PDE7B: variants seen among roughly 807,000 people sequenced by gnomAD.
The protein encoded by PDE7B is phosphodiesterase 7B, also known as 3',5'-cyclic-AMP phosphodiesterase 7B.
Under a neutral mutation model 56.2 loss-of-function variants are expected in PDE7B, and 29 were observed. The observed-to-expected ratio is 0.52, with a 90% CI of 0.38 to 0.70. The LOEUF (loss-of-function observed/expected upper bound fraction) is 0.70. Ranked by LOEUF, PDE7B falls within the 30% of genes least tolerant of loss-of-function variation. The pLI is 0.00. For synonymous variants in PDE7B, 197 were observed against 196.9 expected, an observed-to-expected ratio of 1.00 and a Z score of 0.00; for missense variants, 490 against 565.0, an observed-to-expected ratio of 0.87 and a Z score of 1.35.
chr6:136,051,732 C>G (rs980596549), intron 2 of PDE7B, among the ~76,000 whole-genome samples: 1 of 152,180 alleles, frequency 6.6e-6, no homozygotes, highest in African/African-American at 2.4e-5. Context: ...CATGTAATGT[C>G]TTTGATAATA....
At chr6:135,855,102 A>G (rs1166060727) in intron 1 of PDE7B, among the ~76,000 whole-genome samples, 1 of 152,206 alleles carries the variant, frequency 6.6e-6, no homozygotes, top group African/African-American at 2.4e-5. Context: ...CCACTCACTC[A>G]TTCTTGACCT....
chr6:136,162,173 T>A (rs751564311), intron 8 of PDE7B: 2 of 152,152 alleles, frequency 1.3e-5, no homozygotes, highest in Non-Finnish European at 2.9e-5. Flanking sequence ...AGCAACTATA[T>A]TAGTCCATAC....
intron 2 of PDE7B, among the ~76,000 whole-genome samples, chr6:136,015,888 C>T (rs931554620): frequency 2.0e-5 from 3 of 152,216 alleles, no homozygotes; most frequent in Middle Eastern, 3.4e-3. Flanking sequence ...GTAATTTAGC[C>T]TTTAACTCAT....
chr6:136,160,171 A>C (rs1452318629), intron 8 of PDE7B, among the ~76,000 whole-genome samples: 2 of 152,170 alleles, frequency 1.3e-5, no homozygotes, highest in African/African-American at 4.8e-5. Flanking sequence ...TGCAAGTAGG[A>C]AGGGTTTGAG....
intron 2 of PDE7B, among the ~76,000 whole-genome samples, chr6:136,000,562 G>C (rs1226508790): frequency 6.6e-6 from 1 of 152,126 alleles, no homozygotes; most frequent in Non-Finnish European, 1.5e-5. Context: ...GGCTAAAGGT[G>C]TATGGCCTTA....
At chr6:136,179,701 T>C (rs1402594039) in intron 10 of PDE7B, among the ~76,000 whole-genome samples, 1 of 152,232 alleles carries the variant, frequency 6.6e-6, no homozygotes, top group Non-Finnish European at 1.5e-5. Context: ...TTAACTATAG[T>C]ACATACAAAA....
At chr6:135,931,947 G>A (rs201216240) in intron 1 of PDE7B, among the ~76,000 whole-genome samples, 28 of 45,618 alleles carry the variant, frequency 6.1e-4, no homozygotes, top group Non-Finnish European at 8.9e-4. Context: ...ACACACACAC[G>A]CGCGCGCACA....
intron 3 of PDE7B, among the ~76,000 whole-genome samples, chr6:136,121,918 G>A (rs1777940809): frequency 6.6e-6 from 1 of 152,196 alleles, no homozygotes; most frequent in African/African-American, 2.4e-5. Flanking sequence ...CAGAATTGAT[G>A]TAAAATTAGG....
At chr6:135,997,803 A>G (rs1450247316) in intron 2 of PDE7B, among the ~76,000 whole-genome samples, 3 of 152,212 alleles carry the variant, frequency 2.0e-5, no homozygotes, top group Non-Finnish European at 4.4e-5. Flanking sequence ...ACTATGTAAT[A>G]TATATGTAGG....
At chr6:136,093,300 A>G (rs1302998254) in intron 2 of PDE7B, among the ~76,000 whole-genome samples, 1 of 152,210 alleles carries the variant, frequency 6.6e-6, no homozygotes, top group Non-Finnish European at 1.5e-5. Context: ...GGCAGGTTTC[A>G]GGGACTATTT....
In PDE7B at chr6:136,195,232, T is replaced by C. The variant is rs1442557898; in HGVS notation, c.*3392T>C. ...AGAAACCAGGTTATTTCTCCCTGCT[T>C]ATGGCTCCCCGCAAAGGGACTTGCA... On this transcript the variant is annotated 3_prime_UTR_variant, in exon 13 of 13. Coordinates refer to ENST00000308191, the MANE Select transcript of PDE7B (RefSeq NM_018945.4). 2 of 152,140 alleles carry C rather than the reference T, an allele frequency of 1.3e-5. No individual in the cohort carries two copies. The highest frequency in any genetic ancestry group is 4.8e-5 in the African/African-American group (2 of 41,436). 9.4% of individuals were successfully genotyped at this position (152,140 alleles called of 1,614,324 possible). A position where few individuals can be genotyped will look rare whatever the true frequency, so the allele number is the denominator to read the frequency against.
At chr6:136,134,734 C>CAAAAAA (rs67667001) in intron 3 of PDE7B, among the ~76,000 whole-genome samples, 1 of 91,276 alleles carries the variant, frequency 1.1e-5, no homozygotes, top group African/African-American at 4.2e-5. Flanking sequence ...TTATGGTAGG[C>CAAAAAA]AAAAAAAAAA....
chr6:135,870,155 C>T (rs993922323), intron 1 of PDE7B, among the ~76,000 whole-genome samples: 5 of 152,024 alleles, frequency 3.3e-5, no homozygotes, highest in Admixed American at 6.5e-5. Context: ...GACGATGGCC[C>T]GGAGTAAGCT....
chr6:136,016,935 T>C (rs78334687), intron 2 of PDE7B, among the ~76,000 whole-genome samples: 2,058 of 152,350 alleles, frequency 0.014, 51 homozygotes, highest in African/African-American at 0.046. Flanking sequence ...CTTTGCAGCT[T>C]CTGGAAGATT....
chr6:136,077,750 A>T (rs1777146921), intron 2 of PDE7B, among the ~76,000 whole-genome samples: 1 of 152,216 alleles, frequency 6.6e-6, no homozygotes, highest in Admixed American at 6.5e-5. Flanking sequence ...AATATGTGTT[A>T]AAAGGGTTCT....
chr6:136,168,986 G>A (rs1003589274), intron 8 of PDE7B, among the ~76,000 whole-genome samples: 1 of 152,156 alleles, frequency 6.6e-6, no homozygotes, highest in Non-Finnish European at 1.5e-5. Flanking sequence ...TGGTAGCACA[G>A]AGAAAATTCT....
chr6:136,106,102 G>A (rs1016077789), intron 2 of PDE7B, among the ~76,000 whole-genome samples: 4 of 151,624 alleles, frequency 2.6e-5, no homozygotes, highest in Admixed American at 6.6e-5. Context: ...AAAGGTGAGC[G>A]TGAAAGTGCT....
intron 2 of PDE7B, among the ~76,000 whole-genome samples, chr6:135,964,165 G>A (rs928246000): frequency 9.9e-5 from 15 of 151,820 alleles, no homozygotes; most frequent in African/African-American, 3.6e-4. Context: ...AGTCAGTGGT[G>A]CAATCTCGGC....
At chr6:136,002,323 A>G (rs1057096710) in intron 2 of PDE7B, among the ~76,000 whole-genome samples, 5 of 152,202 alleles carry the variant, frequency 3.3e-5, no homozygotes, top group Admixed American at 6.5e-5. Context: ...TAACATCATA[A>G]TGACAGGATC....
Sources: gnomAD v4.1 joint callset for allele counts (sites outside exome capture counted in the v4.1 genomes callset) on GRCh38, gnomAD v4.1.1 for gene constraint, MANE v1.5 for transcripts, NCBI Gene and HGNC (gene_info 2026-07-23, HGNC 2026-07-21) for gene names.